The following IFT74 variants were observed in gnomAD, a reference collection of about 807,000 sequenced individuals.
IFT74 encodes intraflagellar transport protein 74 homolog.
Under a neutral mutation model 96.7 loss-of-function variants are expected in IFT74, and 92 were observed. The ratio of observed to expected loss-of-function variants is 0.95; its 90% CI spans 0.80 to 1.13. IFT74 has a LOEUF of 1.13. Ranked by LOEUF, IFT74 falls within the 50% of genes most tolerant of loss-of-function variation. The pLI is 0.00. For synonymous variants in IFT74, 223 were observed against 213.2 expected, an observed-to-expected ratio of 1.05 and a Z score of -0.40; for missense variants, 811 against 698.2, an observed-to-expected ratio of 1.16 and a Z score of -1.82.
rs770444167 is a variant in IFT74 at position 27,062,679 on chromosome 9, G to C, written c.1746G>C (p.Gln582His). Reference protein sequence around the residue: ...YQPIKKNVTKQIAEYNKTIVD... With the variant: ...YQPIKKNVTKHIAEYNKTIVD... The stretch of plus-strand genomic sequence containing the variant: ...CAATTAAGAAAAATGTGACCAAGCA[G>C]ATTGCAGAGTACAATAAAACCATCG... Residue 582 changes from glutamine to histidine, a missense_variant, in exon 20 of 20, where the codon CAG becomes CAC. Coordinates refer to ENST00000380062, the MANE Select transcript of IFT74 (RefSeq NM_025103.4). The C allele has an allele frequency of 2.1e-5, 34 of 1,610,236 alleles. No individual in the cohort carries two copies. Among genetic ancestry groups the C allele is most frequent in the Non-Finnish European group, 2.8e-5 (33 of 1,178,436 alleles).
chr9:27,064,029 T>G lies in IFT74; in HGVS notation c.*1293T>G, dbSNP rs1165368486. Among the ~76,000 whole-genome samples, 1 of 152,132 alleles carries G rather than the reference T, an allele frequency of 6.6e-6. No homozygotes were observed. Among genetic ancestry groups the G allele is most frequent in the East Asian group, 1.9e-4 (1 of 5,196 alleles). ...CTGAAACAAAGGTGAATTATTTTATTTTTTCTTGACTGCTCATAACCCTTA... is the reference window on the plus strand; with the variant it reads ...CTGAAACAAAGGTGAATTATTTTATGTTTTCTTGACTGCTCATAACCCTTA... On this transcript the variant is annotated 3_prime_UTR_variant, in exon 20 of 20. Coordinates refer to ENST00000380062, the MANE Select transcript of IFT74 (RefSeq NM_025103.4).
chr9:27,045,660 C>T (rs1227851181), intron 14 of IFT74, among the ~76,000 whole-genome samples: 1 of 152,066 alleles, frequency 6.6e-6, no homozygotes, highest in Non-Finnish European at 1.5e-5. Context: ...CATGTATTCT[C>T]AATTACTGGT....
At chr9:26,948,444 C>CATTATTATTATT (rs1228760884) in intron 1 of IFT74, among the ~76,000 whole-genome samples, 19 of 80,998 alleles carry the variant, frequency 2.3e-4, no homozygotes, top group South Asian at 8.0e-4. Flanking sequence ...GATGGCTTTC[C>CATTATTATTATT]ATTATTTTTT....
At chr9:26,982,273 T>TG (rs1491036033) in intron 4 of IFT74, 2 of 6,154 alleles carry the variant, frequency 3.2e-4, no homozygotes, top group Non-Finnish European at 4.9e-4. Flanking sequence ...GCTTTTTTTC[T>TG]TTTTTTTTTG....
intron 8 of IFT74, among the ~76,000 whole-genome samples, chr9:27,003,681 A>G (rs1171944864): frequency 6.6e-6 from 1 of 152,144 alleles, no homozygotes; most frequent in East Asian, 1.9e-4. Context: ...ATTTATGCAC[A>G]TTCCCCTTCT....
intron 6 of IFT74, among the ~76,000 whole-genome samples, chr9:26,986,995 G>T (rs1022803112): frequency 1.6e-4 from 25 of 152,128 alleles, no homozygotes; most frequent in African/African-American, 5.6e-4. Context: ...TATTCACTGG[G>T]ATTTTCTTTA....
chr9:27,032,033 TC>T (rs1830149873), intron 13 of IFT74, among the ~76,000 whole-genome samples: 1 of 152,126 alleles, frequency 6.6e-6, no homozygotes, highest in Non-Finnish European at 1.5e-5. Context: ...ACTAGTGTAT[TC>T]CCTTACATTG....
intron 13 of IFT74, 94 bp from the exon 14 acceptor site, chr9:27,044,648 C>A: frequency 1.4e-6 from 1 of 707,264 alleles, no homozygotes; most frequent in Non-Finnish European, 2.5e-6. Context: ...TAGTCAATGA[C>A]TAATGGCATA....
intron 2 of IFT74, among the ~76,000 whole-genome samples, chr9:26,974,715 C>T (rs955030286): frequency 2.6e-5 from 4 of 151,990 alleles, no homozygotes; most frequent in Non-Finnish European, 4.4e-5. Context: ...TTTTCTCCTC[C>T]GAAAAGAGGA....
At chr9:27,023,763 A>T (rs1294621061) in intron 12 of IFT74, among the ~76,000 whole-genome samples, 1 of 152,170 alleles carries the variant, frequency 6.6e-6, no homozygotes, top group Non-Finnish European at 1.5e-5. Context: ...CCCATTGAAC[A>T]TAACTTCTTT....
At chr9:26,969,051 A>G (rs1364611403) in intron 2 of IFT74, among the ~76,000 whole-genome samples, 2 of 152,110 alleles carry the variant, frequency 1.3e-5, no homozygotes, top group Non-Finnish European at 2.9e-5. Context: ...TTACAGGTAT[A>G]AACTTTCCTC....
chr9:27,055,833 T>C, intron 17 of IFT74, 61 bp downstream of exon 17: 2 of 1,098,066 alleles, frequency 1.8e-6, no homozygotes, highest in Non-Finnish European at 2.5e-6. Flanking sequence ...TGATCAAATG[T>C]AATATATTTG....
intron 6 of IFT74, among the ~76,000 whole-genome samples, chr9:26,987,888 A>G (rs567104744): frequency 6.6e-6 from 1 of 152,128 alleles, no homozygotes; most frequent in East Asian, 1.9e-4. Flanking sequence ...TTTTTTTTTA[A>G]TTATTAGAAG....
intron 2 of IFT74, among the ~76,000 whole-genome samples, chr9:26,966,247 C>G (rs184806992): frequency 6.6e-6 from 1 of 152,098 alleles, no homozygotes. Context: ...GAGGAACTTC[C>G]ATACTGTTCT....
At position 27,066,047 on chromosome 9, in the gene IFT74, C is replaced by T. The variant is rs1026062530; in HGVS notation, c.*3311C>T. On this transcript the variant is annotated 3_prime_UTR_variant, in exon 20 of 20. Coordinates refer to ENST00000380062, the MANE Select transcript of IFT74 (RefSeq NM_025103.4). ...GTGATCTCACCAGTCTTTTTAGATA[C>T]GCATCTATATTTATGTCACACATAT... 3.3e-5 allele frequency among the ~76,000 whole-genome samples: 5 copies of T among 152,020 alleles called. No individual in the cohort carries two copies. Among genetic ancestry groups the T allele is most frequent in the South Asian group, 4.1e-4 (2 of 4,822 alleles).
At chr9:27,011,835 C>G in intron 9 of IFT74, 71 bp from the exon 10 acceptor site, 1 of 940,088 alleles carries the variant, frequency 1.1e-6, no homozygotes, top group Non-Finnish European at 1.5e-6. Flanking sequence ...TTTCCCAGCT[C>G]CCTCCCCCCA....
chr9:26,997,869 G>C (rs1329146708), intron 8 of IFT74: 1 of 1,614,182 alleles, frequency 6.2e-7, no homozygotes, highest in East Asian at 2.2e-5. Context: ...TTGCCTTGCA[G>C]ATTCAGAAGT....
rs1830058179 is a variant in IFT74, at chr9:27,030,234, C to T, written c.1054+1130C>T. Reference sequence around the variant, plus strand: ...TTAGGTATGGTATAAACAGTGTGCACATGTACATGTATTCTTGTTATGGCT... The same window carrying T: ...TTAGGTATGGTATAAACAGTGTGCATATGTACATGTATTCTTGTTATGGCT... On this transcript the variant is annotated intron_variant, in intron 13 of 19. Coordinates refer to ENST00000380062, the MANE Select transcript of IFT74 (RefSeq NM_025103.4). 2.6e-5 allele frequency among the ~76,000 whole-genome samples: 4 copies of T among 152,080 alleles called. No homozygotes were observed. The South Asian group carries it at 8.3e-4, about 31-fold the overall frequency.
At chr9:27,042,557 G>A (rs1446327939) in intron 13 of IFT74, among the ~76,000 whole-genome samples, 2 of 152,258 alleles carry the variant, frequency 1.3e-5, no homozygotes, top group African/African-American at 4.8e-5. Flanking sequence ...AACAGGAGGA[G>A]GAAAAGCCTC....
Sources: gnomAD v4.1 joint callset for allele counts (sites outside exome capture counted in the v4.1 genomes callset) on GRCh38, gnomAD v4.1.1 for gene constraint, MANE v1.5 for transcripts, NCBI Gene and HGNC (gene_info 2026-07-23, HGNC 2026-07-21) for gene names.